RRP12: variants seen among roughly 807,000 people sequenced by gnomAD.
RRP12 encodes RRP12-like protein.
In RRP12, 78 loss-of-function variants were observed where a neutral mutation model predicts 157.3. The ratio of observed to expected loss-of-function variants is 0.50; its 90% CI spans 0.41 to 0.60. The LOEUF (loss-of-function observed/expected upper bound fraction) is 0.60, where lower values mean the gene tolerates loss of function less well. RRP12 is among the 20% of genes least tolerant of loss of function. The pLI, the probability that RRP12 is intolerant of heterozygous loss-of-function variation, is 0.00. For synonymous variants in RRP12, 726 were observed against 670.9 expected, an observed-to-expected ratio of 1.08 and a Z score of -1.27; for missense variants, 1,521 against 1,679.9, an observed-to-expected ratio of 0.91 and a Z score of 1.65.
Position 97,380,837 on chromosome 10 carries a change from C to A in RRP12, c.1495G>T (p.Glu499Ter). ...SVLQLLCVFF[E>*]ACGRQAHPVM... ...GGGTGGGCCTGTCTCCCACACGCCT[C>A]GAAGAAGACACACAGCAGCTGCAAC... Residue 499 changes from glutamate (E) to a stop codon, truncating the protein, a stop_gained, in exon 13 of 34, where the codon GAG (glutamate) becomes TAG (stop). Coordinates refer to ENST00000370992, the MANE Select transcript of RRP12 (RefSeq NM_015179.4). LOFTEE classifies it high-confidence loss of function. 1.2e-6 allele frequency: 2 copies of A among 1,614,174 alleles called. No individual in the cohort carries two copies. The highest frequency in any genetic ancestry group is 1.7e-6 in the Non-Finnish European group (2 of 1,180,010).
intron 29 of RRP12, 116 bp from the exon 30 acceptor site, chr10:97,364,019 A>G: frequency 1.1e-6 from 1 of 870,534 alleles, no homozygotes; most frequent in Non-Finnish European, 2.0e-6. Flanking sequence ...GGCCCCAGAA[A>G]ATTGCCTTCC....
intron 30 of RRP12, among the ~76,000 whole-genome samples, chr10:97,362,451 A>T (rs1409795648): frequency 1.3e-5 from 2 of 152,206 alleles, no homozygotes; most frequent in Non-Finnish European, 2.9e-5. Flanking sequence ...AGTGGCAAGC[A>T]CTGTACACAG....
chr10:97,393,230 T>G (rs1844858351), intron 4 of RRP12: 1 of 452,344 alleles, frequency 2.2e-6, no homozygotes, highest in Non-Finnish European at 4.4e-6. Context: ...TTCAACACTT[T>G]CACAATGATT....
intron 33 of RRP12, 119 bp downstream of exon 33, chr10:97,358,418 A>G (rs917885353): frequency 2.7e-6 from 2 of 735,892 alleles, no homozygotes; most frequent in Non-Finnish European, 4.7e-6. Flanking sequence ...TAAAAAAAAA[A>G]GCTGGAAGAG....
chr10:97,381,084 A>G (rs1242143117), intron 12 of RRP12, among the ~76,000 whole-genome samples, 171 bp from the exon 13 acceptor site: 1 of 152,198 alleles, frequency 6.6e-6, no homozygotes, highest in Admixed American at 6.5e-5. Flanking sequence ...CACACTCCCT[A>G]TGTTAAGAGT....
intron 27 of RRP12, 38 bp downstream of exon 27, chr10:97,366,704 G>A: frequency 6.2e-7 from 1 of 1,603,312 alleles, no homozygotes; most frequent in East Asian, 2.2e-5. Flanking sequence ...CCTTGGGTTG[G>A]GGGGACACCG....
chr10:97,376,881 C>CTT (rs200661913), intron 15 of RRP12, among the ~76,000 whole-genome samples: 10 of 139,010 alleles, frequency 7.2e-5, no homozygotes, highest in Non-Finnish European at 6.3e-5. Flanking sequence ...TCTTTCTTTT[C>CTT]TTTTTTTTTT....
At chr10:97,357,332 G>C (rs1043365088) in intron 33 of RRP12, 136 bp from the exon 34 acceptor site, 1 of 592,062 alleles carries the variant, frequency 1.7e-6, no homozygotes, top group Non-Finnish European at 3.0e-6. Flanking sequence ...ACATGAACTA[G>C]GCAGACCTCA....
Position 97,385,236 on chromosome 10 carries a change from T to A in RRP12, c.1138A>T (p.Ser380Cys), listed in dbSNP as rs767933978. The change falls in exon 10 of 34, where the codon AGT (serine) becomes TGT (cysteine). Residue 380 changes from serine (S) to cysteine (C), a missense_variant. Ser to Cys is a moderately radical substitution (Grantham distance 112, BLOSUM62 -1). Transcript: ENST00000370992. ...AGCAGGGGTTGTAAATCATTCTCACTGGGAACATAGTCGTACAGGGCCTAA... is the reference window on the plus strand; with the variant it reads ...AGCAGGGGTTGTAAATCATTCTCACAGGGAACATAGTCGTACAGGGCCTAA... ...IITALYDYVP[S>C]ENDLQPLLAW... is the part of the protein sequence containing the mutation. The A allele has an allele frequency of 6.2e-7, 1 of 1,614,040 alleles. No individual in the cohort carries two copies. The highest frequency in any genetic ancestry group is 8.5e-7 in the Non-Finnish European group (1 of 1,179,890).
At chr10:97,385,388 T>C in intron 9 of RRP12, 131 bp from the exon 10 acceptor site, 1 of 705,056 alleles carries the variant, frequency 1.4e-6, no homozygotes. Flanking sequence ...CACAGCCCCC[T>C]TGGCTTTCCC....
chr10:97,388,446 G>T, intron 7 of RRP12, 43 bp downstream of exon 7: 3 of 1,612,810 alleles, frequency 1.9e-6, no homozygotes, highest in African/African-American at 1.3e-5. Flanking sequence ...TGCTCTGCCA[G>T]CCACTGCCTC....
intron 6 of RRP12, 125 bp downstream of exon 6, chr10:97,390,298 C>G (rs546334012): frequency 2.7e-6 from 2 of 742,592 alleles, no homozygotes; most frequent in East Asian, 2.5e-5. Flanking sequence ...GCCTCAGAAG[C>G]AGAAAGCAGA....
At chr10:97,378,015 T>G (rs1340582455) in intron 15 of RRP12, among the ~76,000 whole-genome samples, 2 of 152,122 alleles carry the variant, frequency 1.3e-5, no homozygotes, top group Non-Finnish European at 2.9e-5. Context: ...GCTCTGCCTA[T>G]CCTCACGTAG....
chr10:97,363,907 G>A lies in RRP12; in HGVS notation c.3518-4C>T, dbSNP rs1843906487. 5 of 1,613,540 alleles carry A rather than the reference G, an allele frequency of 3.1e-6. No homozygotes were observed. Among genetic ancestry groups the A allele is most frequent in the Non-Finnish European group, 4.2e-6 (5 of 1,179,798 alleles). ...TCAGCCATCTCTTCATCTTCGCCTGGAGCCAAAAAAGAGAGGCCCATGAGC... is the reference window on the plus strand; with the variant it reads ...TCAGCCATCTCTTCATCTTCGCCTGAAGCCAAAAAAGAGAGGCCCATGAGC... On this transcript the variant is annotated splice_region_variant and splice_polypyrimidine_tract_variant and intron_variant, in intron 29 of 33. Transcript: ENST00000370992.
intron 4 of RRP12, chr10:97,393,180 A>T: frequency 2.5e-6 from 1 of 405,200 alleles, no homozygotes; most frequent in South Asian, 1.8e-5. Flanking sequence ...AGGCCAAAAA[A>T]GTTTCATTTT....
At chr10:97,368,613 C>T (rs1844054990) in intron 25 of RRP12, among the ~76,000 whole-genome samples, 1 of 152,136 alleles carries the variant, frequency 6.6e-6, no homozygotes, top group Non-Finnish European at 1.5e-5. Context: ...CTGCCTTGGC[C>T]TCCCAAAGTG....
Position 97,363,906 on chromosome 10 carries a change from G to A in RRP12, c.3518-3C>T. The A allele has an allele frequency of 6.2e-7, 1 of 1,613,806 alleles. No individual in the cohort carries two copies. Among genetic ancestry groups the A allele is most frequent in the Non-Finnish European group, 8.5e-7 (1 of 1,179,760 alleles). On this transcript the variant is annotated splice_region_variant and splice_polypyrimidine_tract_variant and intron_variant, in intron 29 of 33. Coordinates refer to ENST00000370992, the MANE Select transcript of RRP12 (RefSeq NM_015179.4). Reference sequence around the variant, plus strand: ...GTCAGCCATCTCTTCATCTTCGCCTGGAGCCAAAAAAGAGAGGCCCATGAG... The same window carrying A: ...GTCAGCCATCTCTTCATCTTCGCCTAGAGCCAAAAAAGAGAGGCCCATGAG...
Position 97,393,775 on chromosome 10 carries a change from G to C in RRP12, c.454-15C>G, listed in dbSNP as rs201818555. 18 of 1,611,338 alleles carry C rather than the reference G, an allele frequency of 1.1e-5. No individual in the cohort carries two copies. The highest frequency in any genetic ancestry group is 1.5e-5 in the Non-Finnish European group (18 of 1,177,714). On this transcript the variant is annotated splice_polypyrimidine_tract_variant and intron_variant, in intron 3 of 33. Transcript: ENST00000370992. ...ATTGTTGTCATCTGAGGGCCAGATT[G>C]AGGGGGTTTGAATGGATAAAAACTT...
At position 97,367,138 on chromosome 10, in the gene RRP12, G is replaced by A. The variant is rs777214240; in HGVS notation, c.2956-6C>T. The A allele has an allele frequency of 4.0e-5, 64 of 1,613,242 alleles. 1 individual carries two copies. The South Asian group carries it at 4.5e-4, about 11-fold the overall frequency. ...AGCTTCCCAATGGCTTCCATCTGCCGGACAGAGCACCAGGCTTTCAGGGAG... is the reference window on the plus strand; with the variant it reads ...AGCTTCCCAATGGCTTCCATCTGCCAGACAGAGCACCAGGCTTTCAGGGAG... On this transcript the variant is annotated splice_polypyrimidine_tract_variant and splice_region_variant and intron_variant, in intron 25 of 33. Transcript: ENST00000370992.
Sources: allele counts gnomAD v4.1 joint callset (sites outside exome capture counted in the v4.1 genomes callset), GRCh38; gene constraint gnomAD v4.1.1; transcripts MANE v1.5; gene names NCBI Gene and HGNC (gene_info 2026-07-23, HGNC 2026-07-21).